Variants in MCM2 observed in about 807,000 individuals in gnomAD.
MCM2 encodes minichromosome maintenance complex component 2.
In MCM2, 49 loss-of-function variants were observed where a neutral mutation model predicts 86.4. That is an observed-to-expected ratio of 0.57 (90% CI 0.45 to 0.72). The LOEUF is 0.72. Among genes scored for constraint, MCM2 ranks in the 30% least tolerant of loss-of-function variants. The probability of loss-of-function intolerance (pLI) is 0.00; values close to 1 mark genes in which losing one functional copy is unlikely to be tolerated. For synonymous variants in MCM2, 475 were observed against 484.6 expected (o/e 0.98, Z 0.26); for missense variants, 1,038 against 1,259.9 (o/e 0.82, Z 2.67).
intron 2 of MCM2, among the ~76,000 whole-genome samples, chr3:127,603,064 T>G: frequency 6.6e-6 from 1 of 151,950 alleles, no homozygotes; most frequent in Non-Finnish European, 1.5e-5. Flanking sequence ...CAGGCTGGAG[T>G]GCAGTGGTGT....
rs372110727 is a variant in MCM2, at chr3:127,608,884, A to T, written c.1289A>T (p.Asn430Ile). ...NNYDGSLNTA[N>I]GFPVFATVIL... ...TATGATGGCTCCCTCAACACTGCCA[A>T]TGGCTTCCCTGTCTTTGCCACTGTC... Residue 430 changes from asparagine to isoleucine, a missense_variant, in exon 8 of 16, where the codon AAT becomes ATT. Transcript: ENST00000265056. 2.4e-5 allele frequency: 38 copies of T among 1,614,156 alleles called. No individual in the cohort carries two copies. Among genetic ancestry groups the T allele is most frequent in the Non-Finnish European group, 3.2e-5 (38 of 1,180,038 alleles).
chr3:127,612,736 G>A (rs959365432), intron 8 of MCM2, among the ~76,000 whole-genome samples: 2 of 152,152 alleles, frequency 1.3e-5, no homozygotes, highest in African/African-American at 4.8e-5. Context: ...ACTCAGGTGG[G>A]CACTCTATCC....
chr3:127,621,194 C>A lies in MCM2; in HGVS notation c.2570C>A (p.Thr857Asn). 1.2e-6 allele frequency: 2 copies of A among 1,614,124 alleles called. No homozygotes were observed. The highest frequency in any genetic ancestry group is 1.7e-6 in the Non-Finnish European group (2 of 1,180,022). ...AACCGCTTTGGGGCCCAGCAGGACA[C>A]TATTGAGGTCCCTGAGAAGGACTTG... The part of the protein sequence containing the change: ...QRNRFGAQQD[T>N]IEVPEKDLVD... Residue 857 changes from threonine to asparagine, a missense_variant, in exon 15 of 16, where the codon ACT (threonine) becomes AAT (asparagine). Coordinates refer to ENST00000265056, the MANE Select transcript of MCM2 (RefSeq NM_004526.4).
chr3:127,600,168 CTA>C (rs2074297256), intron 2 of MCM2, among the ~76,000 whole-genome samples: 1 of 152,184 alleles, frequency 6.6e-6, no homozygotes, highest in Non-Finnish European at 1.5e-5. Context: ...GTAGTCCCAG[CTA>C]CTTGGGAGGC....
chr3:127,599,313 T>C lies in MCM2; in HGVS notation c.7-5T>C, dbSNP rs2074286778. On this transcript the variant is annotated splice_polypyrimidine_tract_variant and splice_region_variant and intron_variant, in intron 1 of 15. Transcript: ENST00000265056. Reference sequence around the variant, plus strand: ...GGTTTCTGACAACCGCACCTTCTCTTGCAGGAATCATCGGAATCCTTCACC... The same window carrying C: ...GGTTTCTGACAACCGCACCTTCTCTCGCAGGAATCATCGGAATCCTTCACC... 1 of 1,613,800 alleles carries C rather than the reference T, an allele frequency of 6.2e-7. No homozygotes were observed. Among genetic ancestry groups the C allele is most frequent in the East Asian group, 2.2e-5 (1 of 44,884 alleles).
At chr3:127,615,117 G>A (rs1169860388) in intron 8 of MCM2, among the ~76,000 whole-genome samples, 3 of 152,158 alleles carry the variant, frequency 2.0e-5, no homozygotes, top group African/African-American at 7.2e-5. Context: ...CCCAGGCGAG[G>A]GCCAGTGCTT....
chr3:127,604,642 G>T lies in MCM2; in HGVS notation c.271G>T (p.Glu91Ter). Residue 91 changes from glutamate to a stop codon, truncating the protein, a stop_gained, in exon 3 of 16, where the codon GAG (glutamate) becomes TAG (stop). Coordinates refer to ENST00000265056, the MANE Select transcript of MCM2 (RefSeq NM_004526.4). LOFTEE classifies it high-confidence loss of function. ...CGCCATCCCAGAGCTGGACGCCTAT[G>T]AGGCCGAGGGACTGGCTCTGGATGA... ...YRAIPELDAY[E>*]AEGLALDDED... 1 of 1,613,316 alleles carries T rather than the reference G, an allele frequency of 6.2e-7. No individual in the cohort carries two copies. The highest frequency in any genetic ancestry group is 8.5e-7 in the Non-Finnish European group (1 of 1,180,028).
chr3:127,621,747 A>C lies in MCM2; in HGVS notation c.2689A>C (p.Arg897=), dbSNP rs142055220. 3.5e-4 allele frequency: 561 copies of C among 1,614,064 alleles called. 3 individuals are homozygous for C. The African/African-American group carries it at 6.8e-3, about 19-fold the overall frequency. ...RMNKFSHDLK[R]KMILQQF ...GAACAAGTTCAGCCACGACCTGAAA[A>C]GGAAAATGATCCTGCAGCAGTTCTG... The change falls in exon 16 of 16, where the codon AGG becomes CGG. Residue 897 remains arginine (R), a synonymous_variant. Coordinates refer to ENST00000265056, the MANE Select transcript of MCM2 (RefSeq NM_004526.4).
Position 127,608,363 on chromosome 3 carries a change from T to G in MCM2, c.1102-19T>G, listed in dbSNP as rs1222144688. The G allele has an allele frequency of 6.2e-7, 1 of 1,613,042 alleles. No individual in the cohort carries two copies. The highest frequency in any genetic ancestry group is 1.3e-5 in the African/African-American group (1 of 74,942). ...CATAGTAAGTCAGTGATTTGAGGCC[T>G]TCTGTGTGTCCCTCGCAGACCATCT... On this transcript the variant is annotated intron_variant, in intron 6 of 15. Transcript: ENST00000265056.
chr3:127,612,897 T>C (rs1277181278), intron 8 of MCM2, among the ~76,000 whole-genome samples: 1 of 152,208 alleles, frequency 6.6e-6, no homozygotes, highest in Admixed American at 6.5e-5. Flanking sequence ...GTTTCCTCTG[T>C]AGGATCGAGA....
At chr3:127,601,034 C>T (rs1209162109) in intron 2 of MCM2, among the ~76,000 whole-genome samples, 1 of 152,178 alleles carries the variant, frequency 6.6e-6, no homozygotes, top group Non-Finnish European at 1.5e-5. Flanking sequence ...GAGGTCCCTC[C>T]TGCCTGCTTA....
At position 127,599,893 on chromosome 3, in the gene MCM2, A is replaced by C. The variant is rs570217095; in HGVS notation, c.236+346A>C. 5.3e-5 allele frequency among the ~76,000 whole-genome samples: 8 copies of C among 152,352 alleles called. No individual in the cohort carries two copies. The South Asian group carries it at 1.7e-3, about 32-fold the overall frequency. On this transcript the variant is annotated intron_variant, in intron 2 of 15. Transcript: ENST00000265056. The stretch of plus-strand genomic sequence containing the variant: ...CAGTAACTTTTCAAAGGAAAGGTGC[A>C]TGGGGGAGGAGGGATCTGATAAATA...
Position 127,604,746 on chromosome 3 carries a change from C to G in MCM2, c.375C>G (p.Gly125=), listed in dbSNP as rs1030281637. The G allele has an allele frequency of 6.2e-7, 1 of 1,606,584 alleles. No individual in the cohort carries two copies. Among genetic ancestry groups the G allele is most frequent in the Non-Finnish European group, 8.5e-7 (1 of 1,177,450 alleles). ...TGCGGCAGCGTGACCGGGAGGCTGG[C>G]CGGGGCCTGGGCCGCATGCGCCGTG... is the stretch of plus-strand genomic sequence containing the variant. ...RAMRQRDREA[G]RGLGRMRRGL... Residue 125 remains glycine, a synonymous_variant, in exon 3 of 16, where the codon GGC becomes GGG. Transcript: ENST00000265056.
chr3:127,617,576 C>A lies in MCM2; in HGVS notation c.1900+171C>A. 1.3e-6 allele frequency: 1 copy of A among 779,374 alleles called. No individual in the cohort carries two copies. Among genetic ancestry groups the A allele is most frequent in the Non-Finnish European group, 2.0e-6 (1 of 501,456 alleles). 48.3% of individuals were successfully genotyped at this position (779,374 alleles called of 1,614,324 possible). On this transcript the variant is annotated intron_variant, in intron 11 of 15. Coordinates refer to ENST00000265056, the MANE Select transcript of MCM2 (RefSeq NM_004526.4). This position sits in a 1 kb window ranked among gnomAD's most constrained non-coding sequence, Gnocchi z 4.1. Reference sequence around the variant, plus strand: ...AGAGTGGGGAACAGTGAAAGTGGGACCTGGGACACCTGGGTTTCCTGTTGA... The same window carrying A: ...AGAGTGGGGAACAGTGAAAGTGGGAACTGGGACACCTGGGTTTCCTGTTGA...
At chr3:127,598,619 C>A in intron 1 of MCM2, 147 bp downstream of exon 1, 2 of 1,161,402 alleles carry the variant, frequency 1.7e-6, no homozygotes, top group Non-Finnish European at 2.4e-6. Context: ...TCGCCTGCAC[C>A]CTGCGTGAGG....
chr3:127,599,138 G>T, intron 1 of MCM2, 180 bp from the exon 2 acceptor site: 1 of 652,176 alleles, frequency 1.5e-6, no homozygotes, highest in East Asian at 2.6e-5. Context: ...GCTCAGCTGA[G>T]AGCATTCCAG....
At position 127,616,918 on chromosome 3, in the gene MCM2, C is replaced by G; in HGVS notation, c.1573C>G (p.Pro525Ala). ...GDINVLLCGD[P>A]GTAKSQFLKY... ...TATCAACGTGCTCTTGTGCGGAGACCCTGGCACAGCGAAGTCGCAGTTTCT... is the reference window on the plus strand; with the variant it reads ...TATCAACGTGCTCTTGTGCGGAGACGCTGGCACAGCGAAGTCGCAGTTTCT... The change falls in exon 10 of 16, where the codon CCT becomes GCT. Residue 525 changes from proline to alanine, a missense_variant. Pro to Ala is a conservative substitution (Grantham distance 27, BLOSUM62 -1). Around this residue, in one of 4 missense-constraint regions of MCM2, gnomAD observed 399 missense variants for 507.2 expected, o/e 0.79. Transcript: ENST00000265056. 6.2e-7 allele frequency: 1 copy of G among 1,614,146 alleles called. No individual in the cohort carries two copies. The highest frequency in any genetic ancestry group is 8.5e-7 in the Non-Finnish European group (1 of 1,180,046).
chr3:127,607,454 G>A (rs1393007676), intron 6 of MCM2, among the ~76,000 whole-genome samples: 1 of 152,216 alleles, frequency 6.6e-6, no homozygotes, highest in East Asian at 1.9e-4. Flanking sequence ...GTGCAGTTCT[G>A]CGAACTGTCC....
intron 2 of MCM2, among the ~76,000 whole-genome samples, chr3:127,600,176 G>A (rs796760340): frequency 1.7e-4 from 26 of 152,328 alleles, no homozygotes; most frequent in African/African-American, 6.3e-4. Flanking sequence ...AGCTACTTGG[G>A]AGGCTAAGGC....
Sources: gnomAD v4.1 joint callset for allele counts (sites outside exome capture counted in the v4.1 genomes callset) on GRCh38, gnomAD v4.1.1 for gene constraint, gnomAD v4.1.1 regional missense constraint, Gnocchi (gnomAD v3.1) non-coding constraint, MANE v1.5 for transcripts, NCBI Gene and HGNC (gene_info 2026-07-23, HGNC 2026-07-21) for gene names.